Variants in GXYLT2 observed in about 807,000 individuals in gnomAD.
GXYLT2 encodes the protein glucoside xylosyltransferase 2.
GXYLT2 carries 53 observed loss-of-function variants against 45.8 expected under a neutral mutation model. The observed-to-expected ratio is 1.16, with a 90% CI of 0.93 to 1.46. The LOEUF is 1.46. GXYLT2 is among the 40% of genes most tolerant of loss of function. The probability of loss-of-function intolerance (pLI) is 0.00; values close to 1 mark genes in which losing one functional copy is unlikely to be tolerated. For missense variants in GXYLT2, 551 were observed against 544.4 expected, an observed-to-expected ratio of 1.01 and a Z score of -0.12; for synonymous variants, 219 against 214.2, an observed-to-expected ratio of 1.02 and a Z score of -0.19.
chr3:72,902,101 G>A (rs990923103), intron 1 of GXYLT2, among the ~76,000 whole-genome samples: 2 of 152,046 alleles, frequency 1.3e-5, no homozygotes. Flanking sequence ...GGACATTTAA[G>A]TTGGACTTTT....
intron 6 of GXYLT2, among the ~76,000 whole-genome samples, chr3:72,970,857 C>T (rs1456762001): frequency 6.6e-6 from 1 of 152,070 alleles, no homozygotes; most frequent in Non-Finnish European, 1.5e-5. Flanking sequence ...AGTGAAACTC[C>T]ATCTCAAAAA....
rs115680530 is a variant in GXYLT2 at position 72,912,346 on chromosome 3, C to G, written c.468+3787C>G. 6.7e-3 allele frequency among the ~76,000 whole-genome samples: 1,018 copies of G among 152,072 alleles called. 15 individuals are homozygous for G. The highest frequency in any genetic ancestry group is 0.024 in the African/African-American group (981 of 41,476). On this transcript the variant is annotated intron_variant, in intron 2 of 6. Transcript: ENST00000389617. The stretch of plus-strand genomic sequence containing the variant: ...TTTATTTTTTGTAGAGATGCGGTCT[C>G]CCTATGTTGCCCAGGCTGGTTTTGA...
intron 1 of GXYLT2, among the ~76,000 whole-genome samples, chr3:72,902,880 G>A (rs1268367266): frequency 6.6e-6 from 1 of 152,102 alleles, no homozygotes; most frequent in African/African-American, 2.4e-5. Flanking sequence ...GGGTGTGGTG[G>A]TGGGCACCTG....
intron 3 of GXYLT2, among the ~76,000 whole-genome samples, chr3:72,945,531 G>A (rs1452778331): frequency 3.9e-5 from 6 of 152,210 alleles, no homozygotes; most frequent in Non-Finnish European, 8.8e-5. Context: ...GCCATTGACT[G>A]TGAGACATGA....
intron 6 of GXYLT2, among the ~76,000 whole-genome samples, chr3:72,970,841 A>G (rs1363324643): frequency 6.6e-6 from 1 of 152,198 alleles, no homozygotes; most frequent in Non-Finnish European, 1.5e-5. Context: ...CAGCCTGGGC[A>G]ACAAGAGTGA....
chr3:72,890,524 A>T (rs1255211112), intron 1 of GXYLT2, among the ~76,000 whole-genome samples: 2 of 152,250 alleles, frequency 1.3e-5, no homozygotes, highest in African/African-American at 4.8e-5. Flanking sequence ...AAGGATAAAG[A>T]TCCAGGCAGT....
chr3:72,920,413 G>C (rs1023653058), intron 2 of GXYLT2, among the ~76,000 whole-genome samples: 1 of 152,154 alleles, frequency 6.6e-6, no homozygotes, highest in Non-Finnish European at 1.5e-5. Flanking sequence ...GAGATTACAG[G>C]CGTCAGCCAC....
At chr3:72,958,188 A>G (rs1710687002) in intron 5 of GXYLT2, among the ~76,000 whole-genome samples, 1 of 151,380 alleles carries the variant, frequency 6.6e-6, no homozygotes, top group Admixed American at 6.6e-5. Flanking sequence ...CAGGAGAATC[A>G]CTTGAACCCG....
At chr3:72,929,256 C>T (rs1395278126) in intron 3 of GXYLT2, 42 of 1,483,156 alleles carry the variant, frequency 2.8e-5, no homozygotes, top group Non-Finnish European at 3.7e-5. Context: ...AAACTGATGA[C>T]GTTGCAGAAC....
At chr3:72,891,288 C>T (rs1314143986) in intron 1 of GXYLT2, among the ~76,000 whole-genome samples, 1 of 152,098 alleles carries the variant, frequency 6.6e-6, no homozygotes, top group Non-Finnish European at 1.5e-5. Context: ...CACAGTCCAC[C>T]ACCTGCTTAC....
intron 1 of GXYLT2, among the ~76,000 whole-genome samples, chr3:72,895,919 A>G (rs1187111335): frequency 6.6e-6 from 1 of 152,218 alleles, no homozygotes; most frequent in African/African-American, 2.4e-5. Context: ...TTTATAATCC[A>G]AGCTTTACAT....
At position 72,888,106 on chromosome 3, in the gene GXYLT2, A is replaced by C; in HGVS notation, c.-128A>C. On this transcript the variant is annotated 5_prime_UTR_variant, in exon 1 of 7. Transcript: ENST00000389617. ...CGCCGCCGGCCGCCCGCCGGCCGCC[A>C]CGACCCCAGTCCCCGGCGGGCGGGC... The C allele has an allele frequency of 3.7e-5, 16 of 436,488 alleles. No individual in the cohort carries two copies. Among genetic ancestry groups the C allele is most frequent in the Admixed American group, 6.9e-5 (1 of 14,436 alleles). 27.0% of individuals were successfully genotyped at this position (436,488 alleles called of 1,614,324 possible). A position where few individuals can be genotyped will look rare whatever the true frequency, so the allele number is the denominator to read the frequency against.
At chr3:72,956,582 A>G (rs79963866) in intron 4 of GXYLT2, among the ~76,000 whole-genome samples, 375 of 152,274 alleles carry the variant, frequency 2.5e-3, no homozygotes, top group African/African-American at 8.8e-3. Flanking sequence ...AGAATCCTGA[A>G]GTAGAGACTG....
At chr3:72,917,563 C>T (rs1709764241) in intron 2 of GXYLT2, among the ~76,000 whole-genome samples, 1 of 151,930 alleles carries the variant, frequency 6.6e-6, no homozygotes, top group Non-Finnish European at 1.5e-5. Context: ...TATATCCCAG[C>T]CTGGGCAACA....
In GXYLT2 at chr3:72,967,639, T is replaced by C; in HGVS notation, c.1069T>C (p.Ser357Pro). Residue 357 changes from serine to proline, a missense_variant, in exon 6 of 7, where the codon TCT becomes CCT. Ser to Pro is a moderately conservative substitution (Grantham distance 74). Coordinates refer to ENST00000389617, the MANE Select transcript of GXYLT2 (RefSeq NM_001080393.2). ...CAGAGAGGCTGAGCATGAAGGTGTG[T>C]CTGTTCTGCATGGAAACCGAGGCGT... Reference protein sequence around the residue: ...NCREAEHEGVSVLHGNRGVYH... With the variant: ...NCREAEHEGVPVLHGNRGVYH... 1 of 1,613,900 alleles carries C rather than the reference T, an allele frequency of 6.2e-7. No homozygotes were observed. The highest frequency in any genetic ancestry group is 1.1e-5 in the South Asian group (1 of 91,068).
intron 1 of GXYLT2, 36 bp downstream of exon 1, chr3:72,888,544 C>A: frequency 8.5e-7 from 1 of 1,182,236 alleles, no homozygotes; most frequent in Non-Finnish European, 1.1e-6. Flanking sequence ...CATCTGCGGA[C>A]CCGTGTCTCG....
intron 6 of GXYLT2, among the ~76,000 whole-genome samples, chr3:72,972,941 A>T (rs1711022044): frequency 6.6e-6 from 1 of 151,802 alleles, no homozygotes; most frequent in African/African-American, 2.4e-5. Flanking sequence ...TAGGAAAAAA[A>T]ATAGTAACAA....
chr3:72,907,083 G>A (rs1189598348), intron 1 of GXYLT2, among the ~76,000 whole-genome samples: 1 of 152,124 alleles, frequency 6.6e-6, no homozygotes, highest in Non-Finnish European at 1.5e-5. Context: ...GGCAGATGGT[G>A]GCCTCACCAG....
At chr3:72,945,726 C>CT (rs1710391029) in intron 3 of GXYLT2, among the ~76,000 whole-genome samples, 1 of 152,178 alleles carries the variant, frequency 6.6e-6, no homozygotes, top group South Asian at 2.1e-4. Context: ...TGGGAAGTTG[C>CT]TTATCATGAA....
Sources: allele counts gnomAD v4.1 joint callset (sites outside exome capture counted in the v4.1 genomes callset), GRCh38; gene constraint gnomAD v4.1.1; transcripts MANE v1.5; gene names NCBI Gene and HGNC (gene_info 2026-07-23, HGNC 2026-07-21).